Variants in FBXO33 observed in about 807,000 individuals in gnomAD.
FBXO33 encodes F-box only protein 33.
Under a neutral mutation model 46.3 loss-of-function variants are expected in FBXO33, and 22 were observed. The ratio of observed to expected loss-of-function variants is 0.48; its 90% CI spans 0.34 to 0.68. The LOEUF is 0.68. FBXO33 is among the 30% of genes least tolerant of loss of function. The pLI is 0.01. For missense variants in FBXO33, 692 were observed against 708.8 expected, an observed-to-expected ratio of 0.98 and a Z score of 0.27; for synonymous variants, 337 against 291.3, an observed-to-expected ratio of 1.16 and a Z score of -1.60.
At chr14:39,410,121 C>T (rs1342745565) in intron 1 of FBXO33, among the ~76,000 whole-genome samples, 1 of 152,076 alleles carries the variant, frequency 6.6e-6, no homozygotes, top group Non-Finnish European at 1.5e-5. Flanking sequence ...TTAGAGGAAA[C>T]GGTTCCGGTT....
At chr14:39,402,325 G>C in intron 2 of FBXO33, 76 bp downstream of exon 2, 4 of 784,134 alleles carry the variant, frequency 5.1e-6, no homozygotes, top group Non-Finnish European at 7.6e-6. Context: ...TTACTCTTCT[G>C]TTTGTATCTC....
intron 1 of FBXO33, among the ~76,000 whole-genome samples, chr14:39,405,625 T>A (rs889378978): frequency 1.3e-5 from 2 of 152,040 alleles, no homozygotes; most frequent in Non-Finnish European, 2.9e-5. Context: ...AGTGATACAT[T>A]TTTGACTATA....
chr14:39,421,408 A>AGGGGAGGGAAAAATCAGCAT (rs768268958), intron 1 of FBXO33, among the ~76,000 whole-genome samples: 223 of 152,160 alleles, frequency 1.5e-3, no homozygotes, highest in Non-Finnish European at 2.8e-3. Flanking sequence ...TTTGGATGCA[A>AGGGGAGGGAAAAATCAGCAT]GGGGAGGGAA....
chr14:39,400,081 G>A (rs1409090956), intron 3 of FBXO33, among the ~76,000 whole-genome samples: 1 of 152,104 alleles, frequency 6.6e-6, no homozygotes, highest in Non-Finnish European at 1.5e-5. Flanking sequence ...GACATTTAAA[G>A]TATATACAAA....
chr14:39,427,569 G>GATA (rs1386989479), intron 1 of FBXO33, among the ~76,000 whole-genome samples: 2 of 152,146 alleles, frequency 1.3e-5, no homozygotes, highest in Admixed American at 1.3e-4. Flanking sequence ...AACTGTTGGA[G>GATA]ATAATACCTT....
rs1380431718 is a variant in FBXO33, at chr14:39,401,227, A to G, written c.1345T>C (p.Leu449=). Residue 449 remains leucine, a synonymous_variant, in exon 3 of 4, where the codon TTG becomes CTG. Transcript: ENST00000298097. ...GTGCACCTCCATGCTAATAAAACCAACGGATCTTCATTTCGGTTGTCACTA... is the reference window on the plus strand; with the variant it reads ...GTGCACCTCCATGCTAATAAAACCAGCGGATCTTCATTTCGGTTGTCACTA... ...DLSDNRNEDP[L]VLLAWRCTKL... is the part of the protein sequence containing the mutation. 1 of 1,612,378 alleles carries G rather than the reference A, an allele frequency of 6.2e-7. No individual in the cohort carries two copies. Among genetic ancestry groups the G allele is most frequent in the South Asian group, 1.1e-5 (1 of 90,674 alleles).
intron 1 of FBXO33, among the ~76,000 whole-genome samples, chr14:39,428,046 A>T (rs560421389): frequency 8.4e-4 from 128 of 152,320 alleles, no homozygotes; most frequent in African/African-American, 3.0e-3. Context: ...CCCAAATCTA[A>T]GTATTATTAA....
At chr14:39,402,769 G>A (rs943433238) in intron 1 of FBXO33, among the ~76,000 whole-genome samples, 5 of 143,758 alleles carry the variant, frequency 3.5e-5, no homozygotes, top group Admixed American at 1.5e-4. Flanking sequence ...TGCAGGCTCC[G>A]CCTCCCGGGT....
At chr14:39,417,964 AT>A (rs1440086672) in intron 1 of FBXO33, among the ~76,000 whole-genome samples, 1 of 152,222 alleles carries the variant, frequency 6.6e-6, no homozygotes, top group Non-Finnish European at 1.5e-5. Flanking sequence ...GTATAAAACC[AT>A]ACACAGACTG....
chr14:39,421,888 T>C (rs551712335), intron 1 of FBXO33, among the ~76,000 whole-genome samples: 2 of 152,146 alleles, frequency 1.3e-5, no homozygotes, highest in South Asian at 4.1e-4. Flanking sequence ...GAATAGCAAT[T>C]AGAAGGGCAT....
At chr14:39,406,190 T>A (rs2139404572) in intron 1 of FBXO33, among the ~76,000 whole-genome samples, 1 of 152,190 alleles carries the variant, frequency 6.6e-6, no homozygotes, top group African/African-American at 2.4e-5. Context: ...ATAAAAAAAA[T>A]TAAAGGCTTC....
In FBXO33 at chr14:39,401,762, T is replaced by G. The variant is rs376006502; in HGVS notation, c.810A>C (p.Ser270=). 1 of 1,614,176 alleles carries G rather than the reference T, an allele frequency of 6.2e-7. No homozygotes were observed. Among genetic ancestry groups the G allele is most frequent in the Non-Finnish European group, 8.5e-7 (1 of 1,180,012 alleles). Residue 270 remains serine (S), a synonymous_variant, in exon 3 of 4, where the codon TCA becomes TCC. Transcript: ENST00000298097. ...TGTTGGCAACAGCATTAGAGAGAGA[T>G]GACAGTGATGTTGGGGTTACTATTT... ...MLEIVTPTSL[S]SLSNAVANTM...
intron 1 of FBXO33, among the ~76,000 whole-genome samples, chr14:39,413,964 C>G (rs376624100): frequency 2.6e-5 from 4 of 152,218 alleles, no homozygotes; most frequent in African/African-American, 9.6e-5. Flanking sequence ...TGAGCACTGG[C>G]TTCAACTTAA....
intron 1 of FBXO33, among the ~76,000 whole-genome samples, chr14:39,411,851 T>C (rs986054490): frequency 1.8e-4 from 27 of 152,212 alleles, no homozygotes; most frequent in Admixed American, 3.9e-4. Context: ...TTATTGACTG[T>C]TTAATTTCCA....
At chr14:39,414,010 C>A (rs2075435983) in intron 1 of FBXO33, among the ~76,000 whole-genome samples, 1 of 152,176 alleles carries the variant, frequency 6.6e-6, no homozygotes, top group East Asian at 1.9e-4. Flanking sequence ...CGAGAGTCAG[C>A]CTGTCTTTTG....
chr14:39,412,910 G>A (rs2139409924), intron 1 of FBXO33, among the ~76,000 whole-genome samples: 1 of 152,360 alleles, frequency 6.6e-6, no homozygotes, highest in East Asian at 1.9e-4. Context: ...ACAATCACCT[G>A]AGTCTTCAGC....
At chr14:39,406,025 T>C (rs1022110344) in intron 1 of FBXO33, among the ~76,000 whole-genome samples, 1 of 151,686 alleles carries the variant, frequency 6.6e-6, no homozygotes, top group Non-Finnish European at 1.5e-5. Context: ...CTTGTGAGAA[T>C]GGCTTCCATA....
At chr14:39,405,096 C>G (rs1567073292) in intron 1 of FBXO33, among the ~76,000 whole-genome samples, 1 of 148,298 alleles carries the variant, frequency 6.7e-6, no homozygotes, top group Non-Finnish European at 1.5e-5. Flanking sequence ...TTGCAGTGAG[C>G]CGAGATCACG....
rs900894357 is a variant in FBXO33 at position 39,399,513 on chromosome 14, A to C, written c.*3T>G. On this transcript the variant is annotated 3_prime_UTR_variant, in exon 4 of 4. Transcript: ENST00000298097. ...ACCACAGGAATTCTACATTAAAAAA[A>C]AGCTAAATGTCTTCACTGAAGCTTT... 3.9e-5 allele frequency: 63 copies of C among 1,601,740 alleles called. No homozygotes were observed. The highest frequency in any genetic ancestry group is 5.4e-5 in the Non-Finnish European group (63 of 1,172,842).
Sources: gnomAD v4.1 joint callset for allele counts (sites outside exome capture counted in the v4.1 genomes callset) on GRCh38, gnomAD v4.1.1 for gene constraint, MANE v1.5 for transcripts, NCBI Gene and HGNC (gene_info 2026-07-23, HGNC 2026-07-21) for gene names.